The following DMAC2 variants were observed in gnomAD, a reference collection of about 807,000 sequenced individuals.
The protein encoded by DMAC2 is distal membrane-arm assembly complex protein 2.
Under a neutral mutation model 29.6 loss-of-function variants are expected in DMAC2, and 32 were observed. That is an observed-to-expected ratio of 1.08 (90% CI 0.81 to 1.45). The LOEUF (loss-of-function observed/expected upper bound fraction) is 1.45. Among genes scored for constraint, DMAC2 ranks in the 40% most tolerant of loss-of-function variants. The pLI is 0.00. For synonymous variants in DMAC2, 133 were observed against 137.4 expected (o/e 0.97, Z 0.23); for missense variants, 319 against 340.0 (o/e 0.94, Z 0.49).
In DMAC2 at chr19:41,432,318, G is replaced by C; in HGVS notation, c.687C>G (p.Cys229Trp). The change falls in exon 6 of 6, where the codon TGC (cysteine) becomes TGG (tryptophan). Residue 229 changes from cysteine to tryptophan, a missense_variant. By Grantham distance (215) the Cys-to-Trp change is radical. Transcript: ENST00000221943. Reference sequence around the variant, plus strand: ...CAGCCCAGTCGACTCCCACAACCTCGCAATTGGGCAGCATCTCCTCCACCA... The same window carrying C: ...CAGCCCAGTCGACTCCCACAACCTCCCAATTGGGCAGCATCTCCTCCACCA... ...QILVEEMLPN[C>W]EVVGVDWAEG... The C allele has an allele frequency of 6.2e-7, 1 of 1,614,164 alleles. No homozygotes were observed. The highest frequency in any genetic ancestry group is 8.5e-7 in the Non-Finnish European group (1 of 1,180,034).
At chr19:41,434,193 C>T (rs868920284) in intron 3 of DMAC2, among the ~76,000 whole-genome samples, 4 of 151,838 alleles carry the variant, frequency 2.6e-5, no homozygotes, top group Non-Finnish European at 5.9e-5. Flanking sequence ...CGAGATCGTG[C>T]CACTGCACTC....
Position 41,433,586 on chromosome 19 carries a change from A to G in DMAC2, c.384T>C (p.Ala128=). 2 of 1,614,208 alleles carry G rather than the reference A, an allele frequency of 1.2e-6. No individual in the cohort carries two copies. Among genetic ancestry groups the G allele is most frequent in the South Asian group, 2.2e-5 (2 of 91,088 alleles). Residue 128 remains alanine (A), a synonymous_variant, in exon 4 of 6, where the codon GCT becomes GCC. Coordinates refer to ENST00000221943, the MANE Select transcript of DMAC2 (RefSeq NM_018035.3). ...FWNFCEVPVE[A]VDAGDCDINY... is the part of the protein sequence containing the mutation. ...TGATGTCACAGTCACCGGCATCCACAGCTTCGACAGGCACTTCACAGAAAT... is the reference window on the plus strand; with the variant it reads ...TGATGTCACAGTCACCGGCATCCACGGCTTCGACAGGCACTTCACAGAAAT...
At position 41,432,299 on chromosome 19, in the gene DMAC2, A is replaced by C; in HGVS notation, c.706T>G (p.Trp236Gly). The part of the protein sequence containing the change: ...LPNCEVVGVD[W>G]AEGLKSGPEE... ...GGCCCTGACTTCAGGCCCTCAGCCC[A>C]GTCGACTCCCACAACCTCGCAATTG... The change falls in exon 6 of 6, where the codon TGG becomes GGG. Residue 236 changes from tryptophan to glycine, a missense_variant. Transcript: ENST00000221943. 6.2e-7 allele frequency: 1 copy of C among 1,614,180 alleles called. No individual in the cohort carries two copies. Among genetic ancestry groups the C allele is most frequent in the Non-Finnish European group, 8.5e-7 (1 of 1,180,020 alleles).
At chr19:41,434,502 A>C (rs534547059) in intron 3 of DMAC2, among the ~76,000 whole-genome samples, 50 of 152,256 alleles carry the variant, frequency 3.3e-4, no homozygotes, top group African/African-American at 1.1e-3. Context: ...GTAAAATGCA[A>C]GAATCCTTGT....
Position 41,433,558 on chromosome 19 carries a change from A to C in DMAC2, c.412T>G (p.Tyr138Asp), listed in dbSNP as rs1343618242. 2 of 1,614,176 alleles carry C rather than the reference A, an allele frequency of 1.2e-6. No individual in the cohort carries two copies. The highest frequency in any genetic ancestry group is 1.7e-6 in the Non-Finnish European group (2 of 1,180,020). ...TCACGGAGGTTATCCAGGCCCTCGT[A>C]GTTGATGTCACAGTCACCGGCATCC... The part of the protein sequence containing the change: ...AVDAGDCDIN[Y>D]EGLDNLLRLK... Residue 138 changes from tyrosine to aspartate, a missense_variant, in exon 4 of 6, where the codon TAC becomes GAC. Tyr to Asp is a radical substitution (Grantham distance 160). Coordinates refer to ENST00000221943, the MANE Select transcript of DMAC2 (RefSeq NM_018035.3).
intron 3 of DMAC2, 85 bp from the exon 4 acceptor site, chr19:41,433,758 T>C (rs797040023): frequency 2.0e-6 from 3 of 1,535,228 alleles, no homozygotes; most frequent in African/African-American, 1.4e-5. Context: ...CAGCCCTATA[T>C]AATATGTATA....
At chr19:41,438,625 T>C (rs2039995999) in intron 1 of DMAC2, among the ~76,000 whole-genome samples, 1 of 152,202 alleles carries the variant, frequency 6.6e-6, no homozygotes, top group Non-Finnish European at 1.5e-5. Flanking sequence ...CCCTAAATTT[T>C]CTCGACTAGC....
chr19:41,432,787 T>C (rs782030109), intron 5 of DMAC2: 4,505 of 127,452 alleles, frequency 0.035, 19 homozygotes, highest in Middle Eastern at 0.07. Flanking sequence ...AGCGTGCGTG[T>C]GTGTGTGTGT....
chr19:41,432,663 TGTGTGTGTGTGTGTATAGGGAGATAA>T (rs2039597475), intron 5 of DMAC2: 2 of 450,060 alleles, frequency 4.4e-6, no homozygotes, highest in East Asian at 9.1e-5. Flanking sequence ...CGTGTGTGTG[TGTGTGTGTGTGTGTATAGGGAGATAA>T]GCCAGTATAA....
intron 2 of DMAC2, among the ~76,000 whole-genome samples, chr19:41,437,395 CAAACA>C (rs1277171324): frequency 2.7e-5 from 4 of 149,558 alleles, no homozygotes; most frequent in Non-Finnish European, 3.0e-5. Context: ...GACTCTGTCT[CAAACA>C]AAACAAAACA....
intron 2 of DMAC2, among the ~76,000 whole-genome samples, chr19:41,436,990 TA>T (rs557332291): frequency 8.7e-4 from 133 of 152,252 alleles, no homozygotes; most frequent in South Asian, 6.2e-3. Flanking sequence ...GGAGTCCTGA[TA>T]GGGGGTCTCA....
At chr19:41,434,478 A>G (rs1000798840) in intron 3 of DMAC2, among the ~76,000 whole-genome samples, 1 of 152,022 alleles carries the variant, frequency 6.6e-6, no homozygotes, top group Admixed American at 6.6e-5. Flanking sequence ...TACAGATAAC[A>G]TAAGAGCAAA....
intron 1 of DMAC2, chr19:41,439,477 C>T (rs2122304560): frequency 6.5e-7 from 1 of 1,536,992 alleles, no homozygotes; most frequent in Non-Finnish European, 8.7e-7. Flanking sequence ...TCCTTACATT[C>T]ATCCTTCGGT....
chr19:41,437,062 C>A (rs1555771414), intron 2 of DMAC2, among the ~76,000 whole-genome samples: 1 of 152,070 alleles, frequency 6.6e-6, no homozygotes, highest in African/African-American at 2.4e-5. Context: ...AGGTTTTGAG[C>A]TGGTGATGAT....
chr19:41,439,720 T>C (rs933254941), intron 1 of DMAC2, 162 bp downstream of exon 1: 4 of 1,345,068 alleles, frequency 3.0e-6, no homozygotes, highest in Middle Eastern at 2.2e-4. Context: ...AGATCCTTCC[T>C]GGCCCCCACT....
Position 41,433,568 on chromosome 19 carries a change from A to T in DMAC2, c.402T>A (p.Cys134Ter), listed in dbSNP as rs1555770227. 6.2e-7 allele frequency: 1 copy of T among 1,614,136 alleles called. No homozygotes were observed. Among genetic ancestry groups the T allele is most frequent in the Admixed American group, 1.7e-5 (1 of 60,014 alleles). The stretch of plus-strand genomic sequence containing the variant: ...TATCCAGGCCCTCGTAGTTGATGTC[A>T]CAGTCACCGGCATCCACAGCTTCGA... ...VPVEAVDAGD[C>*]DINYEGLDNL... Residue 134 changes from cysteine (C) to a stop codon, truncating the protein, a stop_gained, in exon 4 of 6, where the codon TGT becomes TGA. Coordinates refer to ENST00000221943, the MANE Select transcript of DMAC2 (RefSeq NM_018035.3). LOFTEE classifies it high-confidence loss of function.
rs782279895 is a variant in DMAC2 at position 41,432,653 on chromosome 19, C to CGTGTGTGTGTGTGT, written c.597-259_597-246dup. On this transcript the variant is annotated intron_variant, in intron 5 of 5. Transcript: ENST00000221943. The stretch of plus-strand genomic sequence containing the variant: ...GTGTGTGTAGGGAGGTACAGGACAG[C>CGTGTGTGTGTGTGT]GTGTGTGTGTGTGTGTGTGTGTGTA... 1,457 of 220,644 alleles carry CGTGTGTGTGTGTGT rather than the reference C, an allele frequency of 6.6e-3. 109 individuals are homozygous for CGTGTGTGTGTGTGT. In the African/African-American group the frequency reaches 0.067, roughly 10 times the overall value. The allele number at this position is 220,644 out of a possible 1,614,324, so 13.7% of individuals were successfully genotyped here. A position where few individuals can be genotyped will look rare whatever the true frequency, so the allele number is the denominator to read the frequency against.
intron 2 of DMAC2, among the ~76,000 whole-genome samples, chr19:41,436,731 C>T (rs1289648584): frequency 6.6e-6 from 1 of 152,186 alleles, no homozygotes; most frequent in African/African-American, 2.4e-5. Context: ...GATAACAACC[C>T]AGGAAATAAC....
In DMAC2 at chr19:41,438,365, T is replaced by C. The variant is rs2231939; in HGVS notation, c.68A>G (p.His23Arg). ...PMWNGRIRGI[H>R]RLGAAVAPEG... Reference sequence around the variant, plus strand: ...TGGGGCCACTGCCGCACCCAGGCGATGGATGCCCCTGATACGCCCATTCCA... The same window carrying C: ...TGGGGCCACTGCCGCACCCAGGCGACGGATGCCCCTGATACGCCCATTCCA... The change falls in exon 2 of 6, where the codon CAT (histidine) becomes CGT (arginine). Residue 23 changes from histidine to arginine, a missense_variant. His to Arg is a conservative substitution (Grantham distance 29). Transcript: ENST00000221943. 7.6e-3 allele frequency: 12,303 copies of C among 1,614,218 alleles called. 54 individuals are homozygous for C. The highest frequency in any genetic ancestry group is 9.5e-3 in the Non-Finnish European group (11,177 of 1,180,030).
Sources: allele counts gnomAD v4.1 joint callset (sites outside exome capture counted in the v4.1 genomes callset), GRCh38; gene constraint gnomAD v4.1.1; transcripts MANE v1.5; gene names NCBI Gene and HGNC (gene_info 2026-07-23, HGNC 2026-07-21).